STXBP5L: variants seen among roughly 807,000 people sequenced by gnomAD.
The protein encoded by STXBP5L is syntaxin binding protein 5L, also known as syntaxin-binding protein 5-like.
A neutral mutation model predicts 144.5 loss-of-function variants in STXBP5L; 65 were observed. The ratio of observed to expected loss-of-function variants is 0.45; its 90% CI spans 0.37 to 0.55. STXBP5L has a LOEUF of 0.55. Ranked by LOEUF, STXBP5L falls within the 20% of genes least tolerant of loss-of-function variation. The probability of loss-of-function intolerance (pLI) is 0.00; values close to 1 mark genes in which losing one functional copy is unlikely to be tolerated. For missense variants in STXBP5L, 1,298 were observed against 1,405.5 expected (o/e 0.92, Z 1.22); for synonymous variants, 505 against 469.6 (o/e 1.08, Z -0.97).
At chr3:121,273,929 G>A (rs1008058012) in intron 18 of STXBP5L, among the ~76,000 whole-genome samples, 15 of 151,874 alleles carry the variant, frequency 9.9e-5, no homozygotes, top group East Asian at 3.9e-4. Flanking sequence ...TTTTATTCAC[G>A]TATTATTTTC....
At chr3:121,262,841 C>T (rs2108396141) in intron 18 of STXBP5L, among the ~76,000 whole-genome samples, 2 of 152,282 alleles carry the variant, frequency 1.3e-5, no homozygotes, top group East Asian at 3.9e-4. Flanking sequence ...CATAAAACTC[C>T]CATCTCCCTG....
chr3:121,089,965 A>G (rs1163209274), intron 5 of STXBP5L, among the ~76,000 whole-genome samples: 2 of 151,714 alleles, frequency 1.3e-5, no homozygotes, highest in South Asian at 2.1e-4. Flanking sequence ...TTATATTTTT[A>G]TTTGTTTCAT....
chr3:121,172,928 C>G (rs1237692577), intron 9 of STXBP5L, among the ~76,000 whole-genome samples: 1 of 152,294 alleles, frequency 6.6e-6, no homozygotes, highest in African/African-American at 2.4e-5. Context: ...TTGGAACCAA[C>G]CCAAATGTCC....
chr3:121,248,834 T>C (rs2049941579), intron 14 of STXBP5L, among the ~76,000 whole-genome samples: 1 of 152,162 alleles, frequency 6.6e-6, no homozygotes, highest in African/African-American at 2.4e-5. Flanking sequence ...TGGTGAAAGG[T>C]AAGGGTCTAG....
chr3:121,009,384 C>T (rs957061534), intron 3 of STXBP5L, among the ~76,000 whole-genome samples: 1 of 151,992 alleles, frequency 6.6e-6, no homozygotes, highest in South Asian at 2.1e-4. Context: ...AACTGCCCAA[C>T]AGTCTGCATT....
intron 22 of STXBP5L, among the ~76,000 whole-genome samples, chr3:121,396,985 A>G (rs2046746916): frequency 1.3e-5 from 2 of 152,276 alleles, no homozygotes; most frequent in Admixed American, 1.3e-4. Context: ...ATTAATAGGC[A>G]TAGCAAAAGC....
At chr3:121,206,028 G>C in intron 10 of STXBP5L, 27 bp downstream of exon 10, 1 of 1,368,178 alleles carries the variant, frequency 7.3e-7, no homozygotes, top group Non-Finnish European at 9.8e-7. Flanking sequence ...TAGGGAAAGA[G>C]GGATACGAAG....
At chr3:121,307,683 CAATT>C (rs1308412810) in intron 19 of STXBP5L, among the ~76,000 whole-genome samples, 1 of 151,554 alleles carries the variant, frequency 6.6e-6, no homozygotes, top group African/African-American at 2.4e-5. Flanking sequence ...ACATGGGACA[CAATT>C]AAGTGCACCA....
intron 7 of STXBP5L, among the ~76,000 whole-genome samples, chr3:121,149,250 T>C (rs2045841527): frequency 6.6e-6 from 1 of 152,152 alleles, no homozygotes; most frequent in South Asian, 2.1e-4. Context: ...AACAAAAATA[T>C]TTATTTTAAA....
At chr3:121,069,895 G>T (rs566710888) in intron 5 of STXBP5L, among the ~76,000 whole-genome samples, 1 of 152,024 alleles carries the variant, frequency 6.6e-6, no homozygotes, top group Admixed American at 6.6e-5. Context: ...TCGAAACTCC[G>T]TCGGATGCTG....
intron 11 of STXBP5L, among the ~76,000 whole-genome samples, chr3:121,233,121 A>G (rs2049359933): frequency 6.6e-6 from 1 of 152,178 alleles, no homozygotes; most frequent in African/African-American, 2.4e-5. Context: ...TGGTTACACA[A>G]CCTATAAATA....
intron 3 of STXBP5L, among the ~76,000 whole-genome samples, chr3:120,997,015 C>T (rs1269601768): frequency 6.6e-6 from 1 of 152,118 alleles, no homozygotes; most frequent in African/African-American, 2.4e-5. Flanking sequence ...ACTCAATGTT[C>T]AGCTCCCACT....
chr3:121,115,120 G>T, intron 6 of STXBP5L, 61 bp downstream of exon 6: 1 of 1,488,620 alleles, frequency 6.7e-7, no homozygotes, highest in Non-Finnish European at 9.0e-7. Flanking sequence ...TATGTAACAT[G>T]TAGGTCAAAT....
At chr3:121,012,462 C>T (rs116576874) in intron 3 of STXBP5L, among the ~76,000 whole-genome samples, 108 of 151,894 alleles carry the variant, frequency 7.1e-4, no homozygotes, top group African/African-American at 2.6e-3. Flanking sequence ...TTCTTTATAT[C>T]TTCCATATGG....
rs150144558 is a variant in STXBP5L at position 121,257,150 on chromosome 3, AT to A, written c.1660-4del. Reference sequence around the variant, plus strand: ...GTGACTTAAATTAAATTTAAACTTGATTTTTTTAAGTCATTAGAGGTACGAC... The same window carrying A: ...GTGACTTAAATTAAATTTAAACTTGATTTTTTAAGTCATTAGAGGTACGAC... On this transcript the variant is annotated splice_polypyrimidine_tract_variant and intron_variant, in intron 16 of 26. Transcript: ENST00000471454. 16 of 1,572,988 alleles carry A rather than the reference AT, an allele frequency of 1.0e-5. No homozygotes were observed. The highest frequency in any genetic ancestry group is 3.6e-5 in the Admixed American group (2 of 55,600).
chr3:121,412,709 TAA>T (rs1452887647), intron 23 of STXBP5L, among the ~76,000 whole-genome samples: 2 of 19,266 alleles, frequency 1.0e-4, no homozygotes, highest in Non-Finnish European at 2.4e-4. Flanking sequence ...CTGATGAAAA[TAA>T]AGTTGTTTCT....
intron 3 of STXBP5L, among the ~76,000 whole-genome samples, chr3:120,974,073 G>T (rs1429265756): frequency 6.6e-6 from 1 of 151,982 alleles, no homozygotes; most frequent in Non-Finnish European, 1.5e-5. Context: ...GGGATGGCTG[G>T]GTCAAATGGT....
intron 5 of STXBP5L, among the ~76,000 whole-genome samples, chr3:121,062,316 T>C (rs1363580666): frequency 5.3e-5 from 8 of 152,152 alleles, no homozygotes; most frequent in Non-Finnish European, 1.0e-4. Context: ...TTGAATATTT[T>C]CCCCCCACTT....
intron 9 of STXBP5L, among the ~76,000 whole-genome samples, chr3:121,162,010 A>T (rs922516751): frequency 6.6e-6 from 1 of 152,198 alleles, no homozygotes; most frequent in Non-Finnish European, 1.5e-5. Context: ...AAAATGAATT[A>T]GGAAAACTAT....
Sources: gnomAD v4.1 joint callset for allele counts (sites outside exome capture counted in the v4.1 genomes callset) on GRCh38, gnomAD v4.1.1 for gene constraint, MANE v1.5 for transcripts, NCBI Gene and HGNC (gene_info 2026-07-23, HGNC 2026-07-21) for gene names.